Variants in DTWD2 observed in about 807,000 individuals in gnomAD.
DTWD2 encodes the protein tRNA-uridine aminocarboxypropyltransferase 2.
In DTWD2, 39 loss-of-function variants were observed where a neutral mutation model predicts 31.8. That is an observed-to-expected ratio of 1.22 (90% CI 0.95 to 1.60). The LOEUF (loss-of-function observed/expected upper bound fraction) is 1.60. Among genes scored for constraint, DTWD2 ranks in the 40% most tolerant of loss-of-function variants. The pLI, the probability that DTWD2 is intolerant of heterozygous loss-of-function variation, is 0.00. For missense variants in DTWD2, 515 were observed against 381.5 expected (o/e 1.35, Z -2.92); for synonymous variants, 180 against 142.8 (o/e 1.26, Z -1.86).
chr5:118,941,648 T>C (rs1463800707), intron 2 of DTWD2, among the ~76,000 whole-genome samples: 2 of 152,208 alleles, frequency 1.3e-5, no homozygotes, highest in Non-Finnish European at 1.5e-5. Context: ...TACGTGTGCA[T>C]GTGTCTTTAT....
intron 1 of DTWD2, among the ~76,000 whole-genome samples, chr5:118,969,491 T>C (rs1580446289): frequency 6.6e-6 from 1 of 152,320 alleles, no homozygotes; most frequent in Non-Finnish European, 1.5e-5. Flanking sequence ...CTGTCACCTT[T>C]GCTGTTTTGC....
chr5:118,842,538 C>G (rs1751742572), intron 5 of DTWD2, among the ~76,000 whole-genome samples: 1 of 152,076 alleles, frequency 6.6e-6, no homozygotes, highest in African/African-American at 2.4e-5. Context: ...AGCTGCATTC[C>G]CAGTCAGGAC....
Position 118,891,930 on chromosome 5 carries a change from C to G in DTWD2, c.597+36607G>C, listed in dbSNP as rs540798302. The stretch of plus-strand genomic sequence containing the variant: ...AGCAAGAAAATAAAATAATCTAGCT[C>G]AATGCTACTAAAATATATCACGTAA... On this transcript the variant is annotated intron_variant, in intron 4 of 5. Transcript: ENST00000510708. Among the ~76,000 whole-genome samples, 50 of 152,150 alleles carry G rather than the reference C, an allele frequency of 3.3e-4. 2 individuals carry two copies. The highest frequency in any genetic ancestry group is 2.9e-3 in the Admixed American group (44 of 15,288).
At chr5:118,942,829 G>T (rs1048732926) in intron 2 of DTWD2, among the ~76,000 whole-genome samples, 1 of 151,708 alleles carries the variant, frequency 6.6e-6, no homozygotes, top group Non-Finnish European at 1.5e-5. Flanking sequence ...TTAAGATAGG[G>T]TCTTGCTGTA....
In DTWD2 at chr5:118,883,988, C is replaced by T. The variant is rs556640464; in HGVS notation, c.598-35770G>A. On this transcript the variant is annotated intron_variant, in intron 4 of 5. Transcript: ENST00000510708. ...CAGAATAGTGTAGTTCAAAATTAGA[C>T]AGCAGATTTTTGTAAATTTGTAAAA... is the stretch of plus-strand genomic sequence containing the variant. Among the ~76,000 whole-genome samples the T allele has an allele frequency of 5.9e-5, 9 of 152,294 alleles. No homozygotes were observed. In the East Asian group the frequency reaches 1.7e-3, roughly 29 times the overall value.
intron 3 of DTWD2, among the ~76,000 whole-genome samples, chr5:118,937,501 T>C (rs955933287): frequency 1.3e-5 from 2 of 152,336 alleles, no homozygotes; most frequent in Middle Eastern, 3.4e-3. Flanking sequence ...CCTATCACCT[T>C]TGGCCTAGTT....
chr5:118,972,267 C>T (rs1056004000), intron 1 of DTWD2, among the ~76,000 whole-genome samples: 2 of 152,054 alleles, frequency 1.3e-5, no homozygotes, highest in Non-Finnish European at 2.9e-5. Flanking sequence ...CACATAGACA[C>T]AATCAGAAAT....
chr5:118,938,673 C>G (rs1231898652), intron 3 of DTWD2, among the ~76,000 whole-genome samples: 1 of 151,802 alleles, frequency 6.6e-6, no homozygotes, highest in African/African-American at 2.4e-5. Context: ...AAAATTGCAC[C>G]ACTGCACTCC....
intron 4 of DTWD2, among the ~76,000 whole-genome samples, chr5:118,909,585 C>T (rs1410425807): frequency 6.6e-6 from 1 of 152,200 alleles, no homozygotes; most frequent in Non-Finnish European, 1.5e-5. Context: ...CAGGGCCCTG[C>T]CACCAGGTTC....
At chr5:118,884,712 C>G (rs1752816426) in intron 4 of DTWD2, among the ~76,000 whole-genome samples, 1 of 152,078 alleles carries the variant, frequency 6.6e-6, no homozygotes, top group South Asian at 2.1e-4. Context: ...CTTTTAAAAA[C>G]CTTCCAGGTT....
rs144260251 is a variant in DTWD2, at chr5:118,962,253, T to C, written c.219-17604A>G. Among the ~76,000 whole-genome samples the C allele has an allele frequency of 4.8e-3, 724 of 152,108 alleles. 2 individuals are homozygous for C. Among genetic ancestry groups the C allele is most frequent in the Non-Finnish European group, 7.7e-3 (524 of 67,994 alleles). ...AACTCTGTCTCAAAAAAAAAGAAAA[T>C]TATTTGCTATAAATTAGAGAAAATA... On this transcript the variant is annotated intron_variant, in intron 1 of 5. Transcript: ENST00000510708.
At chr5:118,958,005 T>G (rs1409257717) in intron 1 of DTWD2, among the ~76,000 whole-genome samples, 3 of 152,142 alleles carry the variant, frequency 2.0e-5, no homozygotes, top group Non-Finnish European at 4.4e-5. Context: ...AATAAGCCTA[T>G]CTATTAAAAT....
chr5:118,928,587 G>A lies in DTWD2; in HGVS notation c.547C>T (p.Gln183Ter), dbSNP rs1228710741. The A allele has an allele frequency of 1.3e-6, 2 of 1,567,746 alleles. No individual in the cohort carries two copies. Among genetic ancestry groups the A allele is most frequent in the Non-Finnish European group, 1.7e-6 (2 of 1,157,724 alleles). ...TIIIIDGTWS[Q>*]AKDIFYKNSL... ...TTCTTATAGAAAATGTCCTTAGCCT[G>A]GCTCCATGTACCATCAATGATGATG... is the stretch of plus-strand genomic sequence containing the variant. The change falls in exon 4 of 6, where the codon CAG (glutamine) becomes TAG (stop). Residue 183 changes from glutamine (Q) to a stop codon, truncating the protein, a stop_gained. Transcript: ENST00000510708. LOFTEE classifies it high-confidence loss of function.
chr5:118,933,362 G>A (rs1282995212), intron 3 of DTWD2, among the ~76,000 whole-genome samples: 1 of 152,034 alleles, frequency 6.6e-6, no homozygotes, highest in Non-Finnish European at 1.5e-5. Context: ...GGCATTACAA[G>A]AAAGGAAAAC....
intron 1 of DTWD2, among the ~76,000 whole-genome samples, chr5:118,948,186 C>T (rs1380807151): frequency 1.3e-5 from 2 of 151,954 alleles, no homozygotes; most frequent in Non-Finnish European, 2.9e-5. Context: ...ATTAATAAAC[C>T]AACTGTGGGC....
At chr5:118,949,932 C>T (rs977152178) in intron 1 of DTWD2, among the ~76,000 whole-genome samples, 2 of 152,206 alleles carry the variant, frequency 1.3e-5, no homozygotes, top group South Asian at 2.1e-4. Context: ...TCTAAGCGGC[C>T]GGGCGCGATG....
intron 4 of DTWD2, among the ~76,000 whole-genome samples, chr5:118,918,200 T>C (rs1009098881): frequency 6.6e-6 from 1 of 152,250 alleles, no homozygotes; most frequent in Non-Finnish European, 1.5e-5. Context: ...TTCAGTCTTT[T>C]TGTTTGTTCT....
At chr5:118,936,448 C>T (rs758935462) in intron 3 of DTWD2, among the ~76,000 whole-genome samples, 1 of 151,650 alleles carries the variant, frequency 6.6e-6, no homozygotes, top group Non-Finnish European at 1.5e-5. Flanking sequence ...GTACTTCAAG[C>T]CTGGAAAACA....
intron 1 of DTWD2, among the ~76,000 whole-genome samples, chr5:118,963,353 G>C (rs1383621046): frequency 6.6e-6 from 1 of 152,152 alleles, no homozygotes; most frequent in African/African-American, 2.4e-5. Context: ...TTTTCACAGA[G>C]ACAGAATAAC....
Sources: allele counts gnomAD v4.1 joint callset (sites outside exome capture counted in the v4.1 genomes callset), GRCh38; gene constraint gnomAD v4.1.1; transcripts MANE v1.5; gene names NCBI Gene and HGNC (gene_info 2026-07-23, HGNC 2026-07-21).